The following FAM53B variants were observed in gnomAD, a reference collection of about 807,000 sequenced individuals.
The protein encoded by FAM53B is family with sequence similarity 53 member B, also known as protein FAM53B.
A neutral mutation model predicts 32.7 loss-of-function variants in FAM53B; 12 were observed. That is an observed-to-expected ratio of 0.37 (90% CI 0.24 to 0.59). FAM53B has a LOEUF of 0.59. FAM53B is among the 20% of genes least tolerant of loss of function. FAM53B has a pLI of 0.72. For missense variants in FAM53B, 477 were observed against 577.7 expected, an observed-to-expected ratio of 0.83 and a Z score of 1.79; for synonymous variants, 234 against 228.7, an observed-to-expected ratio of 1.02 and a Z score of -0.21.
At chr10:124,668,315 C>G (rs894570261) in intron 4 of FAM53B, among the ~76,000 whole-genome samples, 1 of 152,272 alleles carries the variant, frequency 6.6e-6, no homozygotes, top group Non-Finnish European at 1.5e-5. Context: ...ACCACAGCCC[C>G]CACAGCAGGG....
chr10:124,732,558 C>G (rs1015479821), intron 1 of FAM53B, among the ~76,000 whole-genome samples: 1 of 152,176 alleles, frequency 6.6e-6, no homozygotes, highest in Non-Finnish European at 1.5e-5. Context: ...CTCACACATG[C>G]TTTTAAAAAT....
intron 1 of FAM53B, among the ~76,000 whole-genome samples, chr10:124,709,765 A>G (rs1949987724): frequency 6.6e-6 from 1 of 152,154 alleles, no homozygotes; most frequent in South Asian, 2.1e-4. Flanking sequence ...AATCTCCAAG[A>G]AATCCTATAA....
chr10:124,714,740 C>CA (rs1439844539), intron 1 of FAM53B, among the ~76,000 whole-genome samples: 2 of 120,816 alleles, frequency 1.7e-5, no homozygotes, highest in Admixed American at 2.3e-4. Flanking sequence ...GCCTGGGTGA[C>CA]AGAGCGAGAC....
intron 4 of FAM53B, among the ~76,000 whole-genome samples, chr10:124,657,714 AC>A (rs1949602736): frequency 6.6e-6 from 1 of 152,232 alleles, no homozygotes; most frequent in African/African-American, 2.4e-5. Context: ...CAAGAATATT[AC>A]CATTTACCAT....
chr10:124,655,044 G>C (rs1949579350), intron 4 of FAM53B, among the ~76,000 whole-genome samples: 1 of 152,184 alleles, frequency 6.6e-6, no homozygotes, highest in Non-Finnish European at 1.5e-5. Flanking sequence ...TGGGCTTCTG[G>C]ACAATCCCGT....
Position 124,676,740 on chromosome 10 carries a change from G to A in FAM53B, c.906+4867C>T, listed in dbSNP as rs564007092. On this transcript the variant is annotated intron_variant, in intron 4 of 4. Transcript: ENST00000337318. ...CATCCTGCCCAGTCCCTGCGGCCCCGCCCACCCAGCTCTCCTGGACTCACC... is the reference window on the plus strand; with the variant it reads ...CATCCTGCCCAGTCCCTGCGGCCCCACCCACCCAGCTCTCCTGGACTCACC... Among the ~76,000 whole-genome samples the A allele has an allele frequency of 3.3e-5, 5 of 151,988 alleles. No individual in the cohort carries two copies. In the South Asian group the frequency reaches 6.2e-4, roughly 19 times the overall value.
At chr10:124,722,856 T>A (rs1344997551) in intron 1 of FAM53B, among the ~76,000 whole-genome samples, 1 of 152,202 alleles carries the variant, frequency 6.6e-6, no homozygotes, top group African/African-American at 2.4e-5. Context: ...ACTGCTGAGT[T>A]TGTACACATG....
chr10:124,698,749 T>G (rs1589754592), intron 2 of FAM53B, among the ~76,000 whole-genome samples: 1 of 152,060 alleles, frequency 6.6e-6, no homozygotes, highest in East Asian at 1.9e-4. Flanking sequence ...TCTTACAGCC[T>G]GTACCCTCGG....
intron 4 of FAM53B, among the ~76,000 whole-genome samples, chr10:124,634,046 C>A (rs531491881): frequency 5.3e-5 from 8 of 152,192 alleles, no homozygotes; most frequent in Non-Finnish European, 1.0e-4. Flanking sequence ...ACCATCAGAC[C>A]CAGCAATTCC....
At chr10:124,723,260 G>T (rs185691480) in intron 1 of FAM53B, among the ~76,000 whole-genome samples, 155 of 152,354 alleles carry the variant, frequency 1.0e-3, no homozygotes, top group African/African-American at 3.3e-3. Flanking sequence ...AATGTCTGCT[G>T]AAACAAAGAA....
chr10:124,649,016 GA>G (rs1287533456), intron 4 of FAM53B, among the ~76,000 whole-genome samples: 1 of 152,254 alleles, frequency 6.6e-6, no homozygotes, highest in Non-Finnish European at 1.5e-5. Context: ...CTGCTGGGCA[GA>G]CTGCCAAAGG....
At chr10:124,707,731 A>C (rs1949971066) in intron 1 of FAM53B, 1 of 151,868 alleles carries the variant, frequency 6.6e-6, no homozygotes, top group Non-Finnish European at 1.5e-5. Context: ...CAAGAGTGAA[A>C]CTCCGTCCCC....
intron 3 of FAM53B, among the ~76,000 whole-genome samples, chr10:124,686,190 G>C (rs1016994498): frequency 6.6e-6 from 1 of 152,150 alleles, no homozygotes; most frequent in Non-Finnish European, 1.5e-5. Flanking sequence ...TTAATAACTA[G>C]ACTGCAGGAA....
At chr10:124,677,716 A>G (rs1353002081) in intron 4 of FAM53B, among the ~76,000 whole-genome samples, 7 of 152,212 alleles carry the variant, frequency 4.6e-5, no homozygotes, top group South Asian at 2.1e-4. Flanking sequence ...TCTGAAAGCA[A>G]TATCTACACC....
chr10:124,666,628 G>A (rs1016270008), intron 4 of FAM53B, among the ~76,000 whole-genome samples: 5 of 152,108 alleles, frequency 3.3e-5, no homozygotes, highest in East Asian at 1.9e-4. Context: ...GTATCACCCC[G>A]TCTCCCACCA....
chr10:124,656,698 T>G (rs1418510382), intron 4 of FAM53B, among the ~76,000 whole-genome samples: 1 of 152,094 alleles, frequency 6.6e-6, no homozygotes, highest in Non-Finnish European at 1.5e-5. Flanking sequence ...ACTGATGGAG[T>G]GTGTTCTGTG....
chr10:124,637,790 G>A (rs1001182291), intron 4 of FAM53B, among the ~76,000 whole-genome samples: 25 of 152,096 alleles, frequency 1.6e-4, no homozygotes, highest in Non-Finnish European at 2.9e-4. Flanking sequence ...GGCCAGGATC[G>A]CCCGCTTCCT....
intron 4 of FAM53B, among the ~76,000 whole-genome samples, chr10:124,664,089 G>A (rs1949650870): frequency 6.6e-6 from 1 of 152,148 alleles, no homozygotes; most frequent in Admixed American, 6.5e-5. Flanking sequence ...AGGCACTGAG[G>A]AGCTTGAGGC....
rs1949559154 is a variant in FAM53B at position 124,651,972 on chromosome 10, C to A, written c.907-28368G>T. Among the ~76,000 whole-genome samples the A allele has an allele frequency of 6.6e-6, 1 of 152,184 alleles. No individual in the cohort carries two copies. Among genetic ancestry groups the A allele is most frequent in the Non-Finnish European group, 1.5e-5 (1 of 68,030 alleles). ...GGTGCTCTCCTGAGCAATGTGAACT[C>A]AGGGGCCAGGAAGCGAGGCCCCTGC... On this transcript the variant is annotated intron_variant, in intron 4 of 4. Coordinates refer to ENST00000337318, the MANE Select transcript of FAM53B (RefSeq NM_014661.4). The surrounding 1 kb of genome is among the most constrained non-coding windows in gnomAD (Gnocchi z 5.2).
Sources: gnomAD v4.1 joint callset for allele counts (sites outside exome capture counted in the v4.1 genomes callset) on GRCh38, gnomAD v4.1.1 for gene constraint, Gnocchi (gnomAD v3.1) non-coding constraint, MANE v1.5 for transcripts, NCBI Gene and HGNC (gene_info 2026-07-23, HGNC 2026-07-21) for gene names.